TNPO1: variants seen among roughly 807,000 people sequenced by gnomAD.
TNPO1 encodes the protein transportin 1.
In TNPO1, 8 loss-of-function variants were observed where a neutral mutation model predicts 119.5. The observed-to-expected ratio is 0.07, with a 90% CI of 0.04 to 0.12. TNPO1 has a LOEUF of 0.12. Among genes scored for constraint, TNPO1 ranks in the 10% least tolerant of loss-of-function variants. The pLI is 1.00. For synonymous variants in TNPO1, 362 were observed against 363.0 expected (o/e 1.00, Z 0.03); for missense variants, 576 against 1,089.8 (o/e 0.53, Z 6.64).
chr5:72,877,575 A>T (rs1747891562), intron 9 of TNPO1, among the ~76,000 whole-genome samples: 1 of 152,222 alleles, frequency 6.6e-6, no homozygotes, highest in South Asian at 2.1e-4. Flanking sequence ...CGGATAATTT[A>T]CAGCACAGTA....
intron 11 of TNPO1, 24 bp from the exon 12 acceptor site, chr5:72,887,046 T>C: frequency 6.3e-7 from 1 of 1,593,244 alleles, no homozygotes; most frequent in Non-Finnish European, 8.5e-7. Context: ...TAATGTAATA[T>C]TTTTGAATTA....
intron 1 of TNPO1, among the ~76,000 whole-genome samples, chr5:72,824,078 G>A (rs1744102509): frequency 1.3e-5 from 2 of 152,152 alleles, no homozygotes; most frequent in African/African-American, 4.8e-5. Flanking sequence ...CGCAGCATCT[G>A]CTCAGTACAT....
intron 11 of TNPO1, among the ~76,000 whole-genome samples, chr5:72,884,803 G>A (rs913051584): frequency 1.3e-5 from 2 of 151,070 alleles, no homozygotes; most frequent in African/African-American, 4.9e-5. Context: ...ATTCTTTGTT[G>A]CGGAGGCTGT....
intron 3 of TNPO1, among the ~76,000 whole-genome samples, chr5:72,854,742 G>A (rs1413747267): frequency 6.6e-6 from 1 of 152,138 alleles, no homozygotes; most frequent in Non-Finnish European, 1.5e-5. Flanking sequence ...AAAGCCGTCA[G>A]TTATGTTCTA....
chr5:72,913,473 C>T lies in TNPO1; in HGVS notation c.*4800C>T, dbSNP rs1212124098. ...AAGATGCATAATAGCTGAATGTATG[C>T]ATGACTTTGAAAGAAGTTAAAATGG... On this transcript the variant is annotated 3_prime_UTR_variant, in exon 25 of 25. Transcript: ENST00000337273. 1 of 152,444 alleles carries T rather than the reference C, an allele frequency of 6.6e-6. No individual in the cohort carries two copies. The highest frequency in any genetic ancestry group is 1.5e-5 in the Non-Finnish European group (1 of 67,942). 9.4% of individuals were successfully genotyped at this position (152,444 alleles called of 1,614,324 possible).
chr5:72,904,856 A>G (rs576011986), intron 23 of TNPO1, among the ~76,000 whole-genome samples: 1 of 152,176 alleles, frequency 6.6e-6, no homozygotes, highest in Non-Finnish European at 1.5e-5. Flanking sequence ...AAAGAGGTTT[A>G]ATTCGACTCA....
intron 1 of TNPO1, among the ~76,000 whole-genome samples, chr5:72,823,271 A>C (rs1459989635): frequency 6.6e-6 from 1 of 152,006 alleles, no homozygotes; most frequent in Non-Finnish European, 1.5e-5. Flanking sequence ...GTTTTGAATT[A>C]TGTCATAAAG....
intron 1 of TNPO1, among the ~76,000 whole-genome samples, chr5:72,819,309 A>T (rs1422428104): frequency 6.6e-6 from 1 of 152,226 alleles, no homozygotes; most frequent in East Asian, 1.9e-4. Context: ...ATGAATTTTG[A>T]TGGAGACAGA....
chr5:72,873,314 T>C (rs1747540755), intron 7 of TNPO1, among the ~76,000 whole-genome samples: 1 of 152,174 alleles, frequency 6.6e-6, no homozygotes, highest in African/African-American at 2.4e-5. Flanking sequence ...AAAGGATTGT[T>C]AAAGTTCCTT....
intron 3 of TNPO1, among the ~76,000 whole-genome samples, chr5:72,854,324 G>T (rs1455715983): frequency 6.6e-6 from 1 of 152,184 alleles, no homozygotes; most frequent in Admixed American, 6.6e-5. Flanking sequence ...GTGCTGTGAT[G>T]ACCTGAATGA....
At chr5:72,830,311 G>C (rs1008864121) in intron 1 of TNPO1, among the ~76,000 whole-genome samples, 1 of 152,076 alleles carries the variant, frequency 6.6e-6, no homozygotes, top group Admixed American at 6.6e-5. Flanking sequence ...AAATTGCTCA[G>C]CAGCTAGGGC....
At chr5:72,819,930 T>C (rs1743879631) in intron 1 of TNPO1, among the ~76,000 whole-genome samples, 1 of 152,208 alleles carries the variant, frequency 6.6e-6, no homozygotes, top group African/African-American at 2.4e-5. Flanking sequence ...ACTGCTGTTA[T>C]CATCAATGTC....
intron 20 of TNPO1, among the ~76,000 whole-genome samples, chr5:72,899,464 T>G (rs200722905): frequency 6.8e-6 from 1 of 147,936 alleles, no homozygotes; most frequent in Non-Finnish European, 1.5e-5. Context: ...AAAGAAAAAA[T>G]TTTTGAAACT....
chr5:72,828,352 G>C (rs979695151), intron 1 of TNPO1, among the ~76,000 whole-genome samples: 3 of 152,190 alleles, frequency 2.0e-5, no homozygotes, highest in Non-Finnish European at 4.4e-5. Flanking sequence ...AGTTGTGGGG[G>C]ATGAACGGAG....
intron 11 of TNPO1, among the ~76,000 whole-genome samples, chr5:72,885,601 A>T (rs553314766): frequency 1.3e-5 from 2 of 152,152 alleles, no homozygotes; most frequent in East Asian, 3.8e-4. Context: ...TCCTCAGTAC[A>T]TACAGATTTA....
At chr5:72,820,674 T>A (rs1381715291) in intron 1 of TNPO1, among the ~76,000 whole-genome samples, 1 of 152,206 alleles carries the variant, frequency 6.6e-6, no homozygotes, top group Non-Finnish European at 1.5e-5. Context: ...TCTGCTTGAC[T>A]GCAAAGCTCA....
At chr5:72,837,126 T>G (rs867267228) in intron 1 of TNPO1, among the ~76,000 whole-genome samples, 8 of 152,190 alleles carry the variant, frequency 5.3e-5, no homozygotes, top group Admixed American at 1.3e-4. Flanking sequence ...GTATTTCTTA[T>G]AGTAGCACCC....
intron 23 of TNPO1, among the ~76,000 whole-genome samples, chr5:72,904,712 G>A (rs1479797133): frequency 3.9e-5 from 6 of 152,130 alleles, no homozygotes; most frequent in South Asian, 2.1e-4. Context: ...CAGGAGAATC[G>A]CTTGAACCCA....
intron 5 of TNPO1, among the ~76,000 whole-genome samples, chr5:72,864,094 C>T (rs1185145667): frequency 6.6e-6 from 1 of 151,532 alleles, no homozygotes; most frequent in Non-Finnish European, 1.5e-5. Context: ...GTAACAAGTT[C>T]ACATTTAATT....
Sources: gnomAD v4.1 joint callset for allele counts (sites outside exome capture counted in the v4.1 genomes callset) on GRCh38, gnomAD v4.1.1 for gene constraint, MANE v1.5 for transcripts, NCBI Gene and HGNC (gene_info 2026-07-23, HGNC 2026-07-21) for gene names.